SSUH2: variants seen among roughly 807,000 people sequenced by gnomAD.
SSUH2 encodes the protein protein SSUH2 homolog.
In SSUH2, 47 loss-of-function variants were observed where a neutral mutation model predicts 55.3. The ratio of observed to expected loss-of-function variants is 0.85; its 90% CI spans 0.67 to 1.08. The LOEUF (loss-of-function observed/expected upper bound fraction) is 1.08. Among genes scored for constraint, SSUH2 ranks in the 50% least tolerant of loss-of-function variants. The probability of loss-of-function intolerance (pLI) is 0.00; values close to 1 mark genes in which losing one functional copy is unlikely to be tolerated. For missense variants in SSUH2, 535 were observed against 490.7 expected, an observed-to-expected ratio of 1.09 and a Z score of -0.85; for synonymous variants, 212 against 191.5, an observed-to-expected ratio of 1.11 and a Z score of -0.89.
chr3:8,632,006 C>T (rs1019377908), intron 5 of SSUH2, 43 bp downstream of exon 5: 1 of 1,525,764 alleles, frequency 6.6e-7, no homozygotes, highest in Non-Finnish European at 9.1e-7. Context: ...AGCACCCTGA[C>T]TTATTTGCCC....
chr3:8,651,679 T>C (rs185718638), intron 7 of SSUH2, among the ~76,000 whole-genome samples: 208 of 152,234 alleles, frequency 1.4e-3, no homozygotes, highest in Admixed American at 0.012. Context: ...CTGCAGAGTC[T>C]CCCATGAAGC....
At position 8,619,938 on chromosome 3, in the gene SSUH2, T is replaced by C; in HGVS notation, c.1058A>G (p.Tyr353Cys). The change falls in exon 12 of 12, where the codon TAT becomes TGT. Residue 353 changes from tyrosine to cysteine, a missense_variant. Physicochemically the swap from Tyr to Cys is radical, Grantham distance 194. Coordinates refer to ENST00000544814, the MANE Select transcript of SSUH2 (RefSeq NM_001256748.3). ...CGCATACACCTGGTGGTCAGTGCCATAGATGTAGTAGACATAAGTCTTTCC... is the reference window on the plus strand; with the variant it reads ...CGCATACACCTGGTGGTCAGTGCCACAGATGTAGTAGACATAAGTCTTTCC... The part of the protein sequence containing the change: ...YQGKTYVYYI[Y>C]GTDHQVYAVD... The C allele has an allele frequency of 1.9e-6, 3 of 1,614,162 alleles. No homozygotes were observed. The highest frequency in any genetic ancestry group is 2.5e-6 in the Non-Finnish European group (3 of 1,180,012).
intron 6 of SSUH2, among the ~76,000 whole-genome samples, chr3:8,660,284 C>G (rs1330050546): frequency 6.6e-6 from 1 of 152,140 alleles, no homozygotes; most frequent in African/African-American, 2.4e-5. Context: ...GACTTTCCAT[C>G]AAAGGAAAAG....
chr3:8,670,752 A>T (rs769471068), intron 5 of SSUH2, among the ~76,000 whole-genome samples: 1 of 152,014 alleles, frequency 6.6e-6, no homozygotes, highest in Non-Finnish European at 1.5e-5. Context: ...GCATTGTGAC[A>T]TTAGTAGTAA....
At chr3:8,629,335 T>A in intron 7 of SSUH2, 1 of 319,176 alleles carries the variant, frequency 3.1e-6, no homozygotes, top group Non-Finnish European at 5.7e-6. Flanking sequence ...TGACAAAGAC[T>A]GCCTGGTAAG....
chr3:8,620,769 A>G (rs1696266257), intron 11 of SSUH2, among the ~76,000 whole-genome samples: 1 of 152,212 alleles, frequency 6.6e-6, no homozygotes, highest in Admixed American at 6.5e-5. Flanking sequence ...CGGTTTAAAC[A>G]TGTGTGTATT....
rs1559565104 is a variant in SSUH2 at position 8,678,649 on chromosome 3, G to GTA, written c.-901+1055_-901+1056insTA. ...GGCTTTTGGGACCCCCATCGCAGTGGGGGGAGGCACCCCCCGCGAGGCGGG... is the reference window on the plus strand; with the variant it reads ...GGCTTTTGGGACCCCCATCGCAGTGGTAGGGGAGGCACCCCCCGCGAGGCGGG... On this transcript the variant is annotated intron_variant, in intron 2 of 18. Coordinates refer to the SSUH2 transcript ENST00000317371. 1.8e-3 allele frequency among the ~76,000 whole-genome samples: 99 copies of GTA among 54,502 alleles called. 5 individuals carry two copies. Among genetic ancestry groups the GTA allele is most frequent in the Non-Finnish European group, 3.4e-3 (87 of 25,388 alleles). 35.8% of individuals were successfully genotyped at this position (54,502 alleles called of 152,430 possible).
rs1180028445 is a variant in SSUH2, at chr3:8,635,853, C to A, written c.33G>T (p.Val11=). 6.5e-7 allele frequency: 1 copy of A among 1,535,994 alleles called. No individual in the cohort carries two copies. The highest frequency in any genetic ancestry group is 2.4e-5 in the East Asian group (1 of 40,914). Residue 11 remains valine (V), a synonymous_variant, in exon 2 of 12, where the codon GTG becomes GTT. Transcript: ENST00000544814. MDRDLNEDDS[V]VDLSFEAESP... is the part of the protein sequence containing the mutation. Reference sequence around the variant, plus strand: ...TCTCGGCCTCAAAACTGAGGTCCACCACACCTGCAGAAAGACAAGCATTCC... The same window carrying A: ...TCTCGGCCTCAAAACTGAGGTCCACAACACCTGCAGAAAGACAAGCATTCC...
intron 5 of SSUH2, among the ~76,000 whole-genome samples, chr3:8,670,778 T>A (rs1704479618): frequency 6.6e-6 from 1 of 152,032 alleles, no homozygotes. Context: ...CGCCAGGATA[T>A]GACGATTCAT....
At chr3:8,673,810 G>C (rs866027357) in intron 3 of SSUH2, among the ~76,000 whole-genome samples, 9 of 152,246 alleles carry the variant, frequency 5.9e-5, no homozygotes, top group Admixed American at 2.0e-4. Flanking sequence ...AACTGAGACC[G>C]GGAAGCTCTC....
chr3:8,679,277 C>A (rs1705765196), intron 2 of SSUH2, among the ~76,000 whole-genome samples: 1 of 81,194 alleles, frequency 1.2e-5, no homozygotes, highest in South Asian at 4.7e-4. Context: ...TTAGGACCCC[C>A]ATCGGAGGGG....
intron 2 of SSUH2, among the ~76,000 whole-genome samples, chr3:8,679,481 A>G (rs139169868): frequency 0.011 from 1,195 of 108,746 alleles, 17 homozygotes; most frequent in Non-Finnish European, 0.017. Context: ...GGGACTGAGA[A>G]CCAGCCCCTA....
At chr3:8,675,482 A>G (rs1705135980) in intron 3 of SSUH2, among the ~76,000 whole-genome samples, 2 of 152,226 alleles carry the variant, frequency 1.3e-5, no homozygotes, top group Admixed American at 6.5e-5. Context: ...GCCCTACACC[A>G]GCACCTGGAG....
chr3:8,629,262 CTT>C (rs1420416157), intron 7 of SSUH2: 4 of 185,292 alleles, frequency 2.2e-5, no homozygotes, highest in Non-Finnish European at 4.4e-5. Context: ...GCCTTCCAAA[CTT>C]TACCTGCTCA....
chr3:8,630,175 T>G (rs1012101874), intron 6 of SSUH2, among the ~76,000 whole-genome samples: 3 of 152,232 alleles, frequency 2.0e-5, no homozygotes, highest in African/African-American at 7.2e-5. Flanking sequence ...GAGAAAGGAA[T>G]AGAACACTTT....
chr3:8,659,112 A>T (rs1332386674), intron 6 of SSUH2: 3 of 152,096 alleles, frequency 2.0e-5, no homozygotes, highest in African/African-American at 7.2e-5. Context: ...GGTCTGCCTG[A>T]CTCCGAAATC....
intron 7 of SSUH2, among the ~76,000 whole-genome samples, chr3:8,656,814 T>C (rs917003530): frequency 6.6e-6 from 1 of 152,212 alleles, no homozygotes; most frequent in Non-Finnish European, 1.5e-5. Flanking sequence ...GCTCCCACGA[T>C]GAGTCTGCCT....
intron 2 of SSUH2, among the ~76,000 whole-genome samples, chr3:8,678,030 CGT>C (rs1190535429): frequency 2.0e-5 from 3 of 151,790 alleles, no homozygotes. Context: ...TGCGATATCG[CGT>C]GTCATATCCT....
intron 4 of SSUH2, among the ~76,000 whole-genome samples, chr3:8,632,605 A>T (rs948518136): frequency 6.6e-6 from 1 of 152,210 alleles, no homozygotes; most frequent in Non-Finnish European, 1.5e-5. Context: ...TGACTTGCCC[A>T]AGGTCACACA....
Sources: allele counts gnomAD v4.1 joint callset (sites outside exome capture counted in the v4.1 genomes callset), GRCh38; gene constraint gnomAD v4.1.1; transcripts MANE v1.5; gene names NCBI Gene and HGNC (gene_info 2026-07-23, HGNC 2026-07-21).